RAMP1: variants seen among roughly 807,000 people sequenced by gnomAD.
RAMP1 encodes receptor activity-modifying protein 1.
Under a neutral mutation model 8.2 loss-of-function variants are expected in RAMP1, and 7 were observed. The ratio of observed to expected loss-of-function variants is 0.85; its 90% CI spans 0.49 to 1.60. The LOEUF (loss-of-function observed/expected upper bound fraction) is 1.60. RAMP1 is among the 40% of genes most tolerant of loss of function. The probability of loss-of-function intolerance (pLI) is 0.00; values close to 1 mark genes in which losing one functional copy is unlikely to be tolerated. For missense variants in RAMP1, 192 were observed against 202.4 expected, an observed-to-expected ratio of 0.95 and a Z score of 0.31; for synonymous variants, 92 against 84.7, an observed-to-expected ratio of 1.09 and a Z score of -0.47.
At chr2:237,872,315 C>T (rs902982488) in intron 1 of RAMP1, among the ~76,000 whole-genome samples, 50 of 152,210 alleles carry the variant, frequency 3.3e-4, no homozygotes, top group African/African-American at 9.9e-4. Context: ...CACTCAGTGA[C>T]GGTGATGATG....
chr2:237,858,967 G>C (rs1434612602), upstream of RAMP1: 2 of 152,744 alleles, frequency 1.3e-5, no homozygotes, highest in Admixed American at 6.5e-5. The surrounding 1 kb of genome is among the most constrained non-coding windows in gnomAD (Gnocchi z 4.4). Context: ...CTCCTGCCAG[G>C]CTCTCGCTAC....
intron 2 of RAMP1, among the ~76,000 whole-genome samples, chr2:237,904,389 A>G (rs2062634277): frequency 6.6e-6 from 1 of 152,148 alleles, no homozygotes; most frequent in Non-Finnish European, 1.5e-5. Flanking sequence ...ACTGGACTCC[A>G]TCCTGGGCAA....
chr2:237,890,655 G>A (rs949994818), intron 2 of RAMP1, among the ~76,000 whole-genome samples: 4 of 152,086 alleles, frequency 2.6e-5, no homozygotes, highest in African/African-American at 9.7e-5. Context: ...TTGTTTTAAC[G>A]GTTATCTTCA....
chr2:237,911,562 A>G lies in RAMP1; in HGVS notation c.226A>G (p.Met76Val), dbSNP rs1162704033. 3.1e-6 allele frequency: 5 copies of G among 1,614,136 alleles called. No individual in the cohort carries two copies. Among genetic ancestry groups the G allele is most frequent in the Non-Finnish European group, 4.2e-6 (5 of 1,179,998 alleles). ...GGAGCTGGCCGACTGCACCTGGCAC[A>G]TGGCGGAGAAGCTGGGCTGCTTCTG... ...YRELADCTWH[M>V]AEKLGCFWPN... Residue 76 changes from methionine (M) to valine (V), a missense_variant, in exon 3 of 3, where the codon ATG (methionine) becomes GTG (valine). Met to Val is a conservative substitution (Grantham distance 21). Transcript: ENST00000254661.
In RAMP1 at chr2:237,884,018, G is replaced by A. The variant is rs574026025; in HGVS notation, c.191+6656G>A. Among the ~76,000 whole-genome samples the A allele has an allele frequency of 3.3e-5, 5 of 150,990 alleles. No individual in the cohort carries two copies. In the South Asian group the frequency reaches 8.4e-4, roughly 25 times the overall value. On this transcript the variant is annotated intron_variant, in intron 2 of 2. Transcript: ENST00000254661. ...GGATCTGCACGCAGGTGCTTGCTGG[G>A]TTCCGACAGCCCTTGCCCTGACCGT...
intron 2 of RAMP1, among the ~76,000 whole-genome samples, chr2:237,901,037 C>T (rs966295290): frequency 6.6e-6 from 1 of 152,264 alleles, no homozygotes; most frequent in Non-Finnish European, 1.5e-5. Flanking sequence ...ACGTGTCTTG[C>T]GTTCCTGGCA....
intron 1 of RAMP1, among the ~76,000 whole-genome samples, chr2:237,860,314 C>T (rs2062120217): frequency 6.6e-6 from 1 of 152,200 alleles, no homozygotes. Context: ...CGGGACACTT[C>T]CATCGCTTTT....
chr2:237,877,199 C>T lies in RAMP1; in HGVS notation c.53-25C>T. The T allele has an allele frequency of 6.2e-7, 1 of 1,613,348 alleles. No homozygotes were observed. Among genetic ancestry groups the T allele is most frequent in the Non-Finnish European group, 8.5e-7 (1 of 1,179,990 alleles). On this transcript the variant is annotated intron_variant, in intron 1 of 2. Transcript: ENST00000254661. This position sits in a 1 kb window ranked among gnomAD's most constrained non-coding sequence, Gnocchi z 4.4. ...CTAGGCCTCTGCTGCCGCCCGCCAT[C>T]TCTTCATGGCCGTGTCTATTTCAGC...
Position 237,912,011 on chromosome 2 carries a change from C to T in RAMP1, c.*228C>T, listed in dbSNP as rs1278019421. On this transcript the variant is annotated 3_prime_UTR_variant, in exon 3 of 3. Coordinates refer to ENST00000254661, the MANE Select transcript of RAMP1 (RefSeq NM_005855.4). ...CCTAGGAAGGGGGCAGGGACGTGAC[C>T]TTGACTTACCTCTGGAAAGGGTCCC... The T allele has an allele frequency of 1.5e-6, 1 of 660,462 alleles. No homozygotes were observed. The highest frequency in any genetic ancestry group is 3.0e-5 in the Admixed American group (1 of 33,572). The allele number at this position is 660,462 out of a possible 1,614,324, so 40.9% of individuals were successfully genotyped here. A position where few individuals can be genotyped will look rare whatever the true frequency, so the allele number is the denominator to read the frequency against.
intron 2 of RAMP1, among the ~76,000 whole-genome samples, chr2:237,883,853 AG>A (rs1310321043): frequency 6.7e-6 from 1 of 148,736 alleles, no homozygotes; most frequent in African/African-American, 2.5e-5. Flanking sequence ...AAAAAAAAAA[AG>A]AGGCTCCTCC....
intron 2 of RAMP1, 113 bp from the exon 3 acceptor site, chr2:237,911,415 C>T: frequency 6.9e-7 from 1 of 1,444,468 alleles, no homozygotes; most frequent in Non-Finnish European, 9.4e-7. Flanking sequence ...CGGGGCTTCT[C>T]CGAGCCAAGC....
At chr2:237,883,472 C>A (rs745814605) in intron 2 of RAMP1, among the ~76,000 whole-genome samples, 1 of 152,106 alleles carries the variant, frequency 6.6e-6, no homozygotes, top group Admixed American at 6.6e-5. Flanking sequence ...GGAGGCCCCC[C>A]GTGATCCCTG....
intron 2 of RAMP1, among the ~76,000 whole-genome samples, chr2:237,901,720 A>C (rs1025716950): frequency 6.6e-6 from 1 of 152,154 alleles, no homozygotes; most frequent in African/African-American, 2.4e-5. Context: ...GGCAGCGGCC[A>C]GGGTGTGGGA....
At chr2:237,901,663 C>T (rs1259882656) in intron 2 of RAMP1, among the ~76,000 whole-genome samples, 1 of 152,102 alleles carries the variant, frequency 6.6e-6, no homozygotes, top group Admixed American at 6.5e-5. Flanking sequence ...TAATGGTGAG[C>T]ACTGAAGGCG....
chr2:237,899,641 A>G (rs1040438047), intron 2 of RAMP1, among the ~76,000 whole-genome samples: 1 of 152,184 alleles, frequency 6.6e-6, no homozygotes, highest in African/African-American at 2.4e-5. Context: ...TTGAGTGTCT[A>G]TTTATAGGTG....
chr2:237,859,867 A>T, intron 1 of RAMP1, 140 bp downstream of exon 1: 1 of 791,742 alleles, frequency 1.3e-6, no homozygotes, highest in Non-Finnish European at 1.8e-6. Context: ...GCTGCCCTTG[A>T]ACGCGGGCCG....
At chr2:237,905,097 T>C (rs2062639573) in intron 2 of RAMP1, among the ~76,000 whole-genome samples, 2 of 152,160 alleles carry the variant, frequency 1.3e-5, no homozygotes, top group Admixed American at 6.6e-5. Flanking sequence ...AAGCAAAGTT[T>C]GCTTCGAGCC....
At chr2:237,864,370 A>AG (rs1559934070) in intron 1 of RAMP1, among the ~76,000 whole-genome samples, 1 of 152,182 alleles carries the variant, frequency 6.6e-6, no homozygotes, top group Non-Finnish European at 1.5e-5. Context: ...CCAGGCCGGG[A>AG]GGGGAAGAAG....
At chr2:237,911,036 TCA>T (rs773128071) in intron 2 of RAMP1, among the ~76,000 whole-genome samples, 4 of 148,868 alleles carry the variant, frequency 2.7e-5, no homozygotes, top group African/African-American at 5.1e-5. Flanking sequence ...AATAACACTG[TCA>T]CACATTGAAT....
Sources: gnomAD v4.1 joint callset for allele counts (sites outside exome capture counted in the v4.1 genomes callset) on GRCh38, gnomAD v4.1.1 for gene constraint, Gnocchi (gnomAD v3.1) non-coding constraint, MANE v1.5 for transcripts, NCBI Gene and HGNC (gene_info 2026-07-23, HGNC 2026-07-21) for gene names.